Variants in BNC2 observed in about 807,000 individuals in gnomAD.
BNC2 encodes the protein zinc finger protein basonuclin-2.
A neutral mutation model predicts 76.3 loss-of-function variants in BNC2; 20 were observed. The ratio of observed to expected loss-of-function variants is 0.26; its 90% CI spans 0.18 to 0.38. The LOEUF (loss-of-function observed/expected upper bound fraction) is 0.38. Among genes scored for constraint, BNC2 ranks in the 10% least tolerant of loss-of-function variants. BNC2 has a pLI of 1.00. For synonymous variants in BNC2, 582 were observed against 514.8 expected, an observed-to-expected ratio of 1.13 and a Z score of -1.77; for missense variants, 1,382 against 1,399.8, an observed-to-expected ratio of 0.99 and a Z score of 0.20.
Position 16,450,162 on chromosome 9 carries a change from A to G in BNC2, c.670-12638T>C, listed in dbSNP as rs1050068928. ...TCAGAAACAATGTTTCCAAAGTTGC[A>G]TTTGAAATTGTTTAACAATGTTTAC... On this transcript the variant is annotated intron_variant, in intron 5 of 6. Transcript: ENST00000380672. Among the ~76,000 whole-genome samples, 50 of 152,348 alleles carry G rather than the reference A, an allele frequency of 3.3e-4. 1 individual carries two copies. The East Asian group carries it at 3.9e-3, about 12-fold the overall frequency.
In BNC2 at chr9:16,741,990, CG is replaced by C. The variant is rs1295872718; in HGVS notation, c.4-3506del. Among the ~76,000 whole-genome samples, 558 of 143,612 alleles carry C rather than the reference CG, an allele frequency of 3.9e-3. 5 individuals carry two copies. Among genetic ancestry groups the C allele is most frequent in the Non-Finnish European group, 5.9e-3 (389 of 66,278 alleles). The allele number at this position is 143,612 out of a possible 152,430, so 94.2% of individuals were successfully genotyped here. On this transcript the variant is annotated intron_variant, in intron 1 of 6. Transcript: ENST00000380672. ...AAAAAAAAAAAAAAAGACAACAACA[CG>C]TATACCTTGATGGGCAATAGTATGA...
chr9:16,756,969 C>T (rs1303662350), intron 1 of BNC2, among the ~76,000 whole-genome samples: 2 of 141,170 alleles, frequency 1.4e-5, no homozygotes, highest in East Asian at 4.2e-4. Context: ...CCAGCCTGGG[C>T]AACACAGCGA....
chr9:16,809,655 G>A (rs1586901406), intron 1 of BNC2, among the ~76,000 whole-genome samples: 1 of 152,072 alleles, frequency 6.6e-6, no homozygotes, highest in South Asian at 2.1e-4. Flanking sequence ...GCGCGTGCCT[G>A]TAGTCCCAGC....
chr9:16,664,378 C>T (rs1822203757), intron 3 of BNC2, among the ~76,000 whole-genome samples: 1 of 152,186 alleles, frequency 6.6e-6, no homozygotes, highest in South Asian at 2.1e-4. Flanking sequence ...CTCCCAACCA[C>T]AAGTTCATGG....
chr9:16,751,954 G>A (rs1011969061), intron 1 of BNC2, among the ~76,000 whole-genome samples: 10 of 151,938 alleles, frequency 6.6e-5, no homozygotes, highest in South Asian at 4.2e-4. Flanking sequence ...GCTTGAATCC[G>A]GGAGGCAGAG....
At chr9:16,678,794 C>G (rs1281187909) in intron 3 of BNC2, among the ~76,000 whole-genome samples, 1 of 152,080 alleles carries the variant, frequency 6.6e-6, no homozygotes, top group African/African-American at 2.4e-5. Flanking sequence ...CACAAAAACT[C>G]AGAGTTGTCC....
At chr9:16,783,101 G>A (rs905267661) in intron 1 of BNC2, among the ~76,000 whole-genome samples, 5 of 151,764 alleles carry the variant, frequency 3.3e-5, no homozygotes, top group Non-Finnish European at 7.4e-5. Flanking sequence ...CCAATAACAG[G>A]GTATTAAATA....
rs1051637048 is a variant in BNC2, at chr9:16,409,919, T to C, written c.*9070A>G. On this transcript the variant is annotated 3_prime_UTR_variant, in exon 7 of 7. Transcript: ENST00000380672. ...ACTGGTTTTATGCAGATGAGAACAA[T>C]ATAAACAAAAAAAAGGAATAAACAG... 1 of 149,750 alleles carries C rather than the reference T, an allele frequency of 6.7e-6. No individual in the cohort carries two copies. The highest frequency in any genetic ancestry group is 2.5e-5 in the African/African-American group (1 of 40,766). 9.3% of individuals were successfully genotyped at this position (149,750 alleles called of 1,614,324 possible). A position where few individuals can be genotyped will look rare whatever the true frequency, so the allele number is the denominator to read the frequency against.
intron 3 of BNC2, among the ~76,000 whole-genome samples, chr9:16,590,668 G>T (rs1004211942): frequency 2.6e-4 from 40 of 152,056 alleles, no homozygotes; most frequent in African/African-American, 9.4e-4. Flanking sequence ...TTCGCCGGGC[G>T]TGGTGGCATG....
At chr9:16,454,504 A>T (rs1309937020) in intron 5 of BNC2, among the ~76,000 whole-genome samples, 2 of 152,086 alleles carry the variant, frequency 1.3e-5, no homozygotes, top group Non-Finnish European at 2.9e-5. Context: ...GGATCTCATT[A>T]TGTTGCCTAG....
intron 1 of BNC2, among the ~76,000 whole-genome samples, chr9:16,784,371 G>T (rs938132706): frequency 1.3e-5 from 2 of 152,142 alleles, no homozygotes; most frequent in African/African-American, 4.8e-5. Context: ...GTATTTTCAA[G>T]AATTTCTAAA....
At chr9:16,652,501 T>C (rs1821820142) in intron 3 of BNC2, among the ~76,000 whole-genome samples, 1 of 152,202 alleles carries the variant, frequency 6.6e-6, no homozygotes, top group Non-Finnish European at 1.5e-5. Flanking sequence ...GTCTACTTTT[T>C]GAAAAATTCA....
At chr9:16,832,753 G>C (rs926512092) in intron 1 of BNC2, among the ~76,000 whole-genome samples, 1 of 151,662 alleles carries the variant, frequency 6.6e-6, no homozygotes, top group Non-Finnish European at 1.5e-5. Context: ...TTGAGATGGA[G>C]TCTCGCTCTG....
chr9:16,460,072 T>A (rs1821541659), intron 5 of BNC2, among the ~76,000 whole-genome samples: 1 of 152,202 alleles, frequency 6.6e-6, no homozygotes, highest in South Asian at 2.1e-4. Flanking sequence ...AGTCATCTAA[T>A]ACATATTTTA....
At chr9:16,527,610 G>A (rs547620387) in intron 5 of BNC2, among the ~76,000 whole-genome samples, 2 of 152,272 alleles carry the variant, frequency 1.3e-5, no homozygotes, top group African/African-American at 2.4e-5. Flanking sequence ...TTCTGTGAAC[G>A]ACAACTGATA....
intron 5 of BNC2, among the ~76,000 whole-genome samples, chr9:16,546,315 A>G (rs1440159356): frequency 1.3e-5 from 2 of 152,216 alleles, no homozygotes; most frequent in Non-Finnish European, 2.9e-5. Flanking sequence ...ATGACTAAGA[A>G]TGGCAAAGTC....
chr9:16,496,306 T>C (rs959401283), intron 5 of BNC2, among the ~76,000 whole-genome samples: 1 of 152,196 alleles, frequency 6.6e-6, no homozygotes, highest in Non-Finnish European at 1.5e-5. Context: ...TCTGTGCTTC[T>C]TTTACTAAGA....
chr9:16,610,886 A>G (rs1490538701), intron 3 of BNC2, among the ~76,000 whole-genome samples: 1 of 152,210 alleles, frequency 6.6e-6, no homozygotes, highest in East Asian at 1.9e-4. Context: ...GCAAGGAGAA[A>G]GTAGCTGTCA....
chr9:16,449,851 G>T lies in BNC2; in HGVS notation c.670-12327C>A, dbSNP rs116559725. 1.2e-4 allele frequency among the ~76,000 whole-genome samples: 16 copies of T among 138,942 alleles called. 1 individual carries two copies. The highest frequency in any genetic ancestry group is 2.9e-4 in the Admixed American group (4 of 13,568). The allele number at this position is 138,942 out of a possible 152,430, so 91.2% of individuals were successfully genotyped here. ...AAGTTAAAGGTGGGGCGGGGGGGGA[G>T]GGTAACTAAAATTGTAATGCCAATA... is the stretch of plus-strand genomic sequence containing the variant. On this transcript the variant is annotated intron_variant, in intron 5 of 6. Coordinates refer to ENST00000380672, the MANE Select transcript of BNC2 (RefSeq NM_017637.6).
Sources: allele counts gnomAD v4.1 joint callset (sites outside exome capture counted in the v4.1 genomes callset), GRCh38; gene constraint gnomAD v4.1.1; transcripts MANE v1.5; gene names NCBI Gene and HGNC (gene_info 2026-07-23, HGNC 2026-07-21).